Variants in IP6K1 observed in about 807,000 individuals in gnomAD.
The protein encoded by IP6K1 is ATP:1D-myo-inositol-hexakisphosphate phosphotransferase.
In IP6K1, 13 loss-of-function variants were observed where a neutral mutation model predicts 38.3. The observed-to-expected ratio is 0.34, with a 90% CI of 0.22 to 0.54. IP6K1 has a LOEUF of 0.54. Ranked by LOEUF, IP6K1 falls within the 20% of genes least tolerant of loss-of-function variation. IP6K1 has a pLI of 0.92. For missense variants in IP6K1, 397 were observed against 599.8 expected, an observed-to-expected ratio of 0.66 and a Z score of 3.53; for synonymous variants, 212 against 229.9, an observed-to-expected ratio of 0.92 and a Z score of 0.70.
chr3:49,757,954 C>A (rs910705963), intron 1 of IP6K1, among the ~76,000 whole-genome samples: 22 of 152,124 alleles, frequency 1.4e-4, no homozygotes, highest in Admixed American at 1.3e-3. Context: ...AGCCAAAGCT[C>A]TGGTCACAGC....
chr3:49,766,821 C>A (rs983255332), intron 1 of IP6K1, among the ~76,000 whole-genome samples: 1 of 146,506 alleles, frequency 6.8e-6, no homozygotes, highest in Non-Finnish European at 1.5e-5. Flanking sequence ...CAAAAATTAG[C>A]GGGCATGGTG....
intron 1 of IP6K1, among the ~76,000 whole-genome samples, chr3:49,760,068 C>CT (rs1432138097): frequency 2.0e-5 from 3 of 151,918 alleles, no homozygotes; most frequent in African/African-American, 7.3e-5. Context: ...TTTTCCCTTC[C>CT]TTTTTTTTGT....
intron 1 of IP6K1, among the ~76,000 whole-genome samples, chr3:49,781,034 T>A (rs1294629530): frequency 1.3e-5 from 2 of 151,990 alleles, no homozygotes; most frequent in Non-Finnish European, 2.9e-5. Context: ...CAGAAAAGGA[T>A]TATTAGGCCC....
At chr3:49,774,066 C>T (rs2080984444) in intron 1 of IP6K1, among the ~76,000 whole-genome samples, 1 of 151,604 alleles carries the variant, frequency 6.6e-6, no homozygotes, top group South Asian at 2.1e-4. Context: ...AATTTTTTGT[C>T]CGAATTGCAA....
chr3:49,776,685 T>C (rs538105105), intron 1 of IP6K1, among the ~76,000 whole-genome samples: 156 of 152,248 alleles, frequency 1.0e-3, no homozygotes, highest in Admixed American at 2.9e-3. Context: ...TGCACATCTA[T>C]AAATGATAGC....
chr3:49,783,865 C>T (rs956228545), intron 1 of IP6K1, among the ~76,000 whole-genome samples: 10 of 152,208 alleles, frequency 6.6e-5, no homozygotes, highest in Non-Finnish European at 1.3e-4. Flanking sequence ...CTAAAGACTA[C>T]TCAACTTCTC....
At chr3:49,728,470 T>C in intron 4 of IP6K1, 192 bp from the exon 5 acceptor site, 1 of 568,842 alleles carries the variant, frequency 1.8e-6, no homozygotes, top group South Asian at 2.5e-5. Context: ...ATACATAAAA[T>C]TTACTTCAGC....
chr3:49,767,700 G>A (rs2080923732), intron 1 of IP6K1, among the ~76,000 whole-genome samples: 1 of 152,108 alleles, frequency 6.6e-6, no homozygotes. Flanking sequence ...AAGCCCAAGA[G>A]TTTGAGACCA....
chr3:49,777,842 G>A (rs368761168), intron 1 of IP6K1, among the ~76,000 whole-genome samples: 5 of 152,076 alleles, frequency 3.3e-5, no homozygotes, highest in African/African-American at 1.2e-4. Flanking sequence ...GTGAACCCGG[G>A]AGGCGGAGCT....
At chr3:49,761,398 G>T (rs965115984) in intron 1 of IP6K1, among the ~76,000 whole-genome samples, 20 of 151,068 alleles carry the variant, frequency 1.3e-4, no homozygotes, top group African/African-American at 4.1e-4. Flanking sequence ...AGGCCGAGGC[G>T]GGCGGATCAC....
At chr3:49,728,322 C>G (rs958666079) in intron 4 of IP6K1, 44 bp from the exon 5 acceptor site, 1 of 1,590,512 alleles carries the variant, frequency 6.3e-7, no homozygotes, top group Admixed American at 1.7e-5. Context: ...TCACCATCAG[C>G]CCCAGCCAGG....
chr3:49,775,520 G>T, intron 1 of IP6K1: 2 of 971,958 alleles, frequency 2.1e-6, no homozygotes. Context: ...TCTAGGAGAA[G>T]GATAGAGATG....
chr3:49,759,089 C>A (rs1350381439), intron 1 of IP6K1, among the ~76,000 whole-genome samples: 2 of 151,890 alleles, frequency 1.3e-5, no homozygotes, highest in African/African-American at 4.8e-5. Flanking sequence ...AAAAAAAATA[C>A]CTTCTATCTT....
At chr3:49,752,541 G>A (rs2080787591) in intron 1 of IP6K1, among the ~76,000 whole-genome samples, 1 of 151,624 alleles carries the variant, frequency 6.6e-6, no homozygotes, top group Non-Finnish European at 1.5e-5. Flanking sequence ...GTGTGTGTGT[G>A]TGTGAGTTTC....
chr3:49,769,970 T>C (rs751198407), intron 1 of IP6K1, among the ~76,000 whole-genome samples: 16 of 152,124 alleles, frequency 1.1e-4, no homozygotes, highest in Non-Finnish European at 1.6e-4. Flanking sequence ...TCCCAACACT[T>C]TGGGAGGCCA....
chr3:49,758,085 G>A (rs1246547568), intron 1 of IP6K1, among the ~76,000 whole-genome samples: 2 of 151,952 alleles, frequency 1.3e-5, no homozygotes, highest in Admixed American at 6.6e-5. Flanking sequence ...CGAGGCAGGT[G>A]GATCACGAGG....
intron 1 of IP6K1, among the ~76,000 whole-genome samples, chr3:49,784,009 ATTAT>A (rs985294199): frequency 5.3e-5 from 8 of 151,612 alleles, no homozygotes; most frequent in Admixed American, 1.3e-4. Context: ...TATTTTATTT[ATTAT>A]TTATTTATTT....
chr3:49,763,059 G>C lies in IP6K1; in HGVS notation c.-128-14891C>G, dbSNP rs1401337297. On this transcript the variant is annotated intron_variant, in intron 1 of 5. Coordinates refer to ENST00000321599, the MANE Select transcript of IP6K1 (RefSeq NM_153273.4). ...CCTGCCTCAGCCTCTCAAAGTGCTG[G>C]GATTATAGGCGTGAGCCACCATGCC... is the stretch of plus-strand genomic sequence containing the variant. Among the ~76,000 whole-genome samples, 4 of 151,800 alleles carry C rather than the reference G, an allele frequency of 2.6e-5. No homozygotes were observed. The East Asian group carries it at 7.7e-4, about 29-fold the overall frequency.
At chr3:49,730,991 G>C (rs1237378369) in intron 4 of IP6K1, among the ~76,000 whole-genome samples, 1 of 152,042 alleles carries the variant, frequency 6.6e-6, no homozygotes, top group Non-Finnish European at 1.5e-5. Context: ...TTACAGGAAT[G>C]AGCCTGGATT....
Sources: allele counts gnomAD v4.1 joint callset (sites outside exome capture counted in the v4.1 genomes callset), GRCh38; gene constraint gnomAD v4.1.1; transcripts MANE v1.5; gene names NCBI Gene and HGNC (gene_info 2026-07-23, HGNC 2026-07-21).